The following HTR3B variants were observed in gnomAD, a reference collection of about 807,000 sequenced individuals.
The protein encoded by HTR3B is 5-hydroxytryptamine (serotonin) receptor 3B, ionotropic.
HTR3B carries 44 observed loss-of-function variants against 42.8 expected under a neutral mutation model. The ratio of observed to expected loss-of-function variants is 1.03; its 90% CI spans 0.81 to 1.32. The LOEUF (loss-of-function observed/expected upper bound fraction) is 1.32. Among genes scored for constraint, HTR3B ranks in the 40% most tolerant of loss-of-function variants. The pLI, the probability that HTR3B is intolerant of heterozygous loss-of-function variation, is 0.00. For synonymous variants in HTR3B, 203 were observed against 209.0 expected (o/e 0.97, Z 0.25); for missense variants, 527 against 536.5 (o/e 0.98, Z 0.17).
At chr11:113,915,549 T>C (rs1591572822) in intron 2 of HTR3B, among the ~76,000 whole-genome samples, 1 of 152,388 alleles carries the variant, frequency 6.6e-6, no homozygotes, top group East Asian at 1.9e-4. Flanking sequence ...TAGTATTTTA[T>C]TGTACAGATG....
chr11:113,940,725 C>A (rs181305280), intron 6 of HTR3B, among the ~76,000 whole-genome samples: 5 of 152,286 alleles, frequency 3.3e-5, no homozygotes, highest in African/African-American at 1.2e-4. Context: ...GGCTGGAGAG[C>A]CCCCACTCTT....
intron 6 of HTR3B, among the ~76,000 whole-genome samples, chr11:113,938,924 GGCGGAGGTT>G (rs1950111850): frequency 6.6e-6 from 1 of 152,138 alleles, no homozygotes; most frequent in Non-Finnish European, 1.5e-5. Context: ...GAACCTGTGA[GGCGGAGGTT>G]GCAGTGAGTC....
intron 2 of HTR3B, among the ~76,000 whole-genome samples, chr11:113,930,037 C>T (rs974778146): frequency 1.3e-5 from 2 of 152,136 alleles, no homozygotes; most frequent in African/African-American, 2.4e-5. Context: ...CACCCGGCCT[C>T]GCCCATTTTA....
Position 113,915,877 on chromosome 11 carries a change from C to T in HTR3B, c.213+6422C>T, listed in dbSNP as rs541781629. ...TTTTTAGACGGAGTCTTGATCTTGT[C>T]GCCTGGGCTGGAGTGCAGTGGCATG... On this transcript the variant is annotated intron_variant, in intron 2 of 8. Coordinates refer to ENST00000260191, the MANE Select transcript of HTR3B (RefSeq NM_006028.5). Among the ~76,000 whole-genome samples, 252 of 151,924 alleles carry T rather than the reference C, an allele frequency of 1.7e-3. 2 individuals carry two copies. The highest frequency in any genetic ancestry group is 2.2e-3 in the Non-Finnish European group (151 of 67,958).
In HTR3B at chr11:113,931,719, C is replaced by T. The variant is rs547787555; in HGVS notation, c.259-39C>T. 3.5e-6 allele frequency: 4 copies of T among 1,144,684 alleles called. 1 individual carries two copies. The highest frequency in any genetic ancestry group is 2.5e-5 in the South Asian group (2 of 81,188). The allele number at this position is 1,144,684 out of a possible 1,614,324, so 70.9% of individuals were successfully genotyped here. ...AGTTCTTTAGCGAAGTAGATATTGC[C>T]CCATTTTGATAAGTTTTCTTTTTGG... On this transcript the variant is annotated intron_variant, in intron 3 of 8. Coordinates refer to ENST00000260191, the MANE Select transcript of HTR3B (RefSeq NM_006028.5).
intron 6 of HTR3B, among the ~76,000 whole-genome samples, chr11:113,940,885 C>G (rs1181700932): frequency 6.6e-6 from 1 of 152,202 alleles, no homozygotes; most frequent in Admixed American, 6.5e-5. Context: ...GAGAAGAACC[C>G]TGCACTCAAC....
chr11:113,931,748 C>T lies in HTR3B; in HGVS notation c.259-10C>T. 1 of 1,533,710 alleles carries T rather than the reference C, an allele frequency of 6.5e-7. No homozygotes were observed. Among genetic ancestry groups the T allele is most frequent in the Non-Finnish European group, 9.0e-7 (1 of 1,106,976 alleles). Reference sequence around the variant, plus strand: ...TTTTGATAAGTTTTCTTTTTGGCTACTACTAACAGGTCTGGAATGATGAAT... The same window carrying T: ...TTTTGATAAGTTTTCTTTTTGGCTATTACTAACAGGTCTGGAATGATGAAT... On this transcript the variant is annotated splice_polypyrimidine_tract_variant and intron_variant, in intron 3 of 8. Coordinates refer to ENST00000260191, the MANE Select transcript of HTR3B (RefSeq NM_006028.5).
At chr11:113,910,166 A>G (rs539708710) in intron 2 of HTR3B, among the ~76,000 whole-genome samples, 3 of 152,220 alleles carry the variant, frequency 2.0e-5, no homozygotes, top group Admixed American at 6.5e-5. Flanking sequence ...AGAGAAAAAA[A>G]TGCCTTATTA....
At chr11:113,926,591 C>T (rs755073865) in intron 2 of HTR3B, among the ~76,000 whole-genome samples, 3 of 150,156 alleles carry the variant, frequency 2.0e-5, no homozygotes, top group East Asian at 2.0e-4. Context: ...TGCAGTGGCA[C>T]GATCTTGGCT....
chr11:113,922,526 G>C (rs1220217432), intron 2 of HTR3B, among the ~76,000 whole-genome samples: 1 of 151,880 alleles, frequency 6.6e-6, no homozygotes, highest in Non-Finnish European at 1.5e-5. Context: ...GAGCCGCCGG[G>C]CTGAGCCAAG....
rs765168711 is a variant in HTR3B at position 113,905,019 on chromosome 11, G to A, written c.52+34G>A. Reference sequence around the variant, plus strand: ...TTTTAATAATTTTACTAGGCATTAAGGATTAACTCTTAGAAGATAGAGACA... The same window carrying A: ...TTTTAATAATTTTACTAGGCATTAAAGATTAACTCTTAGAAGATAGAGACA... On this transcript the variant is annotated intron_variant, in intron 1 of 8. Transcript: ENST00000260191. The A allele has an allele frequency of 1.2e-5, 18 of 1,460,712 alleles. No individual in the cohort carries two copies. The Admixed American group carries it at 1.8e-4, about 15-fold the overall frequency. 90.5% of individuals were successfully genotyped at this position (1,460,712 alleles called of 1,614,324 possible).
rs73556643 is a variant in HTR3B, at chr11:113,944,816, C to T, written c.1090+61C>T. On this transcript the variant is annotated intron_variant, in intron 8 of 8. Coordinates refer to ENST00000260191, the MANE Select transcript of HTR3B (RefSeq NM_006028.5). Reference sequence around the variant, plus strand: ...ATTGATCACCTTAAAAATTCATTCCCGTTGATGATGTACTAGGTATTGCGT... The same window carrying T: ...ATTGATCACCTTAAAAATTCATTCCTGTTGATGATGTACTAGGTATTGCGT... 7.3e-3 allele frequency: 11,142 copies of T among 1,522,748 alleles called. 581 individuals are homozygous for T. The African/African-American group carries it at 0.13, about 17-fold the overall frequency. The allele number at this position is 1,522,748 out of a possible 1,614,324, so 94.3% of individuals were successfully genotyped here.
intron 6 of HTR3B, among the ~76,000 whole-genome samples, chr11:113,942,759 T>C (rs552047366): frequency 3.3e-5 from 5 of 152,354 alleles, no homozygotes; most frequent in African/African-American, 9.6e-5. Flanking sequence ...TTATTATCAC[T>C]ATTAATAATA....
intron 2 of HTR3B, among the ~76,000 whole-genome samples, chr11:113,927,174 A>G (rs74676400): frequency 0.022 from 3,388 of 152,328 alleles, 103 homozygotes; most frequent in African/African-American, 0.075. Context: ...GTTCAGTGGC[A>G]TTAAGTACAT....
chr11:113,925,905 A>G (rs1430686366), intron 2 of HTR3B, among the ~76,000 whole-genome samples: 1 of 152,184 alleles, frequency 6.6e-6, no homozygotes, highest in Non-Finnish European at 1.5e-5. Context: ...TCACCAATTT[A>G]AAGTATACAA....
chr11:113,945,216 C>G (rs1185821203), intron 8 of HTR3B, among the ~76,000 whole-genome samples: 1 of 152,204 alleles, frequency 6.6e-6, no homozygotes, highest in Non-Finnish European at 1.5e-5. Flanking sequence ...CTCACTGCAG[C>G]CTCTGCCTCC....
In HTR3B at chr11:113,921,303, G is replaced by A. The variant is rs201581859; in HGVS notation, c.214-10081G>A. ...TGGGATTATAGGCACCCACCACCAC[G>A]CCTGGCTAATTTTTGTACTTTTAGT... On this transcript the variant is annotated intron_variant, in intron 2 of 8. Transcript: ENST00000260191. Among the ~76,000 whole-genome samples the A allele has an allele frequency of 2.7e-3, 399 of 147,278 alleles. 8 individuals are homozygous for A. In the South Asian group the frequency reaches 0.059, roughly 22 times the overall value.
chr11:113,909,518 G>T (rs1949766109), intron 2 of HTR3B, 63 bp downstream of exon 2: 2 of 1,375,422 alleles, frequency 1.5e-6, no homozygotes, highest in East Asian at 2.3e-5. Context: ...TGCAGTTCAT[G>T]CAGGAGCCTA....
chr11:113,904,751 C>T, upstream of HTR3B: 1 of 544,026 alleles, frequency 1.8e-6, no homozygotes, highest in Non-Finnish European at 3.3e-6. Flanking sequence ...AAAACATTTG[C>T]ATGGTGCTGG....
Sources: gnomAD v4.1 joint callset for allele counts (sites outside exome capture counted in the v4.1 genomes callset) on GRCh38, gnomAD v4.1.1 for gene constraint, MANE v1.5 for transcripts, NCBI Gene and HGNC (gene_info 2026-07-23, HGNC 2026-07-21) for gene names.